The following NOXA1 variants were observed in gnomAD, a reference collection of about 807,000 sequenced individuals.
NOXA1 encodes the protein NCF2-like protein.
Under a neutral mutation model 64.8 loss-of-function variants are expected in NOXA1, and 56 were observed. The ratio of observed to expected loss-of-function variants is 0.86; its 90% CI spans 0.70 to 1.08. The LOEUF (loss-of-function observed/expected upper bound fraction) is 1.08, where lower values mean the gene tolerates loss of function less well. Ranked by LOEUF, NOXA1 falls within the 50% of genes least tolerant of loss-of-function variation. The pLI, the probability that NOXA1 is intolerant of heterozygous loss-of-function variation, is 0.00. For synonymous variants in NOXA1, 295 were observed against 294.8 expected (o/e 1.00, Z -0.01); for missense variants, 668 against 658.5 (o/e 1.01, Z -0.16).
intron 1 of NOXA1, among the ~76,000 whole-genome samples, chr9:137,426,045 G>T (rs568717859): frequency 4.9e-4 from 75 of 152,188 alleles, no homozygotes; most frequent in Admixed American, 4.9e-3. Context: ...ACGGGTTGGG[G>T]TTGGGTGGGC....
At chr9:137,430,524 C>T (rs1417294983) in intron 5 of NOXA1, among the ~76,000 whole-genome samples, 1 of 152,240 alleles carries the variant, frequency 6.6e-6, no homozygotes, top group African/African-American at 2.4e-5. Flanking sequence ...ACTTAGAGTC[C>T]GCATATCACA....
Position 137,431,225 on chromosome 9 carries a change from CCTCTCCCTA to C in NOXA1, c.699-10_699-2del. 2 of 1,609,770 alleles carry C rather than the reference CCTCTCCCTA, an allele frequency of 1.2e-6. No individual in the cohort carries two copies. Among genetic ancestry groups the C allele is most frequent in the South Asian group, 2.2e-5 (2 of 90,922 alleles). ...ATGGGCAGGGCCTGAGAGCCTCCCT[CCTCTCCCTA>C]GGTCCCTAATCATGGACTCCCCAAG... On this transcript the variant is annotated splice_acceptor_variant and splice_polypyrimidine_tract_variant and intron_variant, in intron 7 of 13. Transcript: ENST00000683555. LOFTEE classifies it high-confidence loss of function. This position sits in a 1 kb window ranked among gnomAD's most constrained non-coding sequence, Gnocchi z 5.6.
intron 8 of NOXA1, 95 bp from the exon 9 acceptor site, chr9:137,432,934 A>G: frequency 7.2e-7 from 1 of 1,382,516 alleles, no homozygotes; most frequent in Non-Finnish European, 1.0e-6. Flanking sequence ...CTGGCCGGGC[A>G]CACAGGCCAC....
intron 1 of NOXA1, among the ~76,000 whole-genome samples, chr9:137,424,671 C>G (rs1013044139): frequency 6.6e-6 from 1 of 152,204 alleles, no homozygotes; most frequent in Non-Finnish European, 1.5e-5. Context: ...CTCCTGACCT[C>G]AGGTGATCCA....
At chr9:137,426,511 T>C (rs1200581644) in intron 2 of NOXA1, among the ~76,000 whole-genome samples, 181 bp downstream of exon 2, 5 of 152,038 alleles carry the variant, frequency 3.3e-5, no homozygotes, top group African/African-American at 9.7e-5. Context: ...AGCGCCACCC[T>C]TGGACACAGG....
chr9:137,428,287 A>G, intron 3 of NOXA1, 146 bp downstream of exon 3: 1 of 628,062 alleles, frequency 1.6e-6, no homozygotes, highest in East Asian at 2.8e-5. Flanking sequence ...CTTGACCCGC[A>G]GGAGGTTCTG....
chr9:137,430,695 G>C, intron 5 of NOXA1, 89 bp from the exon 6 acceptor site: 1 of 1,205,156 alleles, frequency 8.3e-7, no homozygotes, highest in Non-Finnish European at 1.1e-6. Context: ...CGGGGACTTA[G>C]AGCTGCGGGG....
chr9:137,428,788 G>A (rs1838957650), intron 3 of NOXA1, 94 bp from the exon 4 acceptor site: 1 of 1,349,174 alleles, frequency 7.4e-7, no homozygotes, highest in African/African-American at 1.5e-5. Context: ...GGAGGGGCTG[G>A]GTGGGCAGAC....
Position 137,423,454 on chromosome 9 carries a change from C to G in NOXA1, c.-76C>G, listed in dbSNP as rs2131862911. ...TGCCCGCCTCGGAGACCCCGCAGCC[C>G]CGCGCCGCCGCCTGGCCCCGGCCCC... On this transcript the variant is annotated 5_prime_UTR_variant, in exon 1 of 14. Transcript: ENST00000683555. 3 of 1,038,014 alleles carry G rather than the reference C, an allele frequency of 2.9e-6. No individual in the cohort carries two copies. Among genetic ancestry groups the G allele is most frequent in the Middle Eastern group, 3.7e-4 (1 of 2,706 alleles). 64.3% of individuals were successfully genotyped at this position (1,038,014 alleles called of 1,614,324 possible).
Position 137,434,026 on chromosome 9 carries a change from G to T in NOXA1, c.1241G>T (p.Gly414Val). 6.4e-7 allele frequency: 1 copy of T among 1,572,704 alleles called. No individual in the cohort carries two copies. Among genetic ancestry groups the T allele is most frequent in the South Asian group, 1.1e-5 (1 of 87,142 alleles). ...GCCCAGCACAGCTACTCCGCCCAGG[G>T]GCCAGAGGACCTGGGCTTCCGACAG... The part of the protein sequence containing the change: ...VVAQHSYSAQ[G>V]PEDLGFRQGD... The change falls in exon 13 of 14, where the codon GGG becomes GTG. Residue 414 changes from glycine (G) to valine (V), a missense_variant. Coordinates refer to ENST00000683555, the MANE Select transcript of NOXA1 (RefSeq NM_001256067.2).
chr9:137,434,226 G>A lies in NOXA1; in HGVS notation c.1297G>A (p.Asp433Asn). ...GDTVDVLCEV[D>N]QAWLEGHCDG... is the part of the protein sequence containing the mutation. ...AGAGCCCGATGTCCCCCTTGCAGTG[G>A]ACCAGGCATGGCTGGAGGGCCACTG... Residue 433 changes from aspartate (D) to asparagine (N), a missense_variant and splice_region_variant, in exon 14 of 14, where the codon GAC (aspartate) becomes AAC (asparagine). By Grantham distance (23) the Asp-to-Asn change is conservative. Coordinates refer to ENST00000683555, the MANE Select transcript of NOXA1 (RefSeq NM_001256067.2). 1 of 1,609,180 alleles carries A rather than the reference G, an allele frequency of 6.2e-7. No individual in the cohort carries two copies. Among genetic ancestry groups the A allele is most frequent in the South Asian group, 1.1e-5 (1 of 90,968 alleles).
In NOXA1 at chr9:137,434,347, G is replaced by A. The variant is rs769172707; in HGVS notation, c.1418G>A (p.Gly473Glu). Residue 473 changes from glycine to glutamate, a missense_variant, in exon 14 of 14, where the codon GGA (glycine) becomes GAA (glutamate). By Grantham distance (98) the Gly-to-Glu change is moderately conservative. Coordinates refer to ENST00000683555, the MANE Select transcript of NOXA1 (RefSeq NM_001256067.2). ...APGRLPRSQQ[G>E]DQP ...GGCCGCCTGCCCCGATCCCAGCAGG[G>A]AGATCAGCCCTAATGATGCTGTGTC... The A allele has an allele frequency of 2.5e-6, 4 of 1,600,462 alleles. No homozygotes were observed. The African/African-American group carries it at 5.4e-5, about 21-fold the overall frequency.
chr9:137,428,977 G>A lies in NOXA1; in HGVS notation c.465G>A (p.Gly155=). 1 of 1,597,864 alleles carries A rather than the reference G, an allele frequency of 6.3e-7. No homozygotes were observed. ...LREAMSKWPE[G]SLNGLDSALD... is the part of the protein sequence containing the mutation. ...AGGCCATGTCCAAGTGGCCGGAGGGGTCCCTGAATGGCCTGGACTCAGCCC... is the reference window on the plus strand; with the variant it reads ...AGGCCATGTCCAAGTGGCCGGAGGGATCCCTGAATGGCCTGGACTCAGCCC... The change falls in exon 4 of 14, where the codon GGG becomes GGA. Residue 155 remains glycine (G), a synonymous_variant. Coordinates refer to ENST00000683555, the MANE Select transcript of NOXA1 (RefSeq NM_001256067.2).
chr9:137,431,038 C>G lies in NOXA1; in HGVS notation c.673-37C>G, dbSNP rs760442166. 4 of 1,613,096 alleles carry G rather than the reference C, an allele frequency of 2.5e-6. 1 individual carries two copies. The highest frequency in any genetic ancestry group is 4.5e-5 in the East Asian group (2 of 44,882). Reference sequence around the variant, plus strand: ...AGGAGGAGGGAGGGCGGCCCCCGACCCTTAACCAGAGCGAGGTTGTTGCTT... The same window carrying G: ...AGGAGGAGGGAGGGCGGCCCCCGACGCTTAACCAGAGCGAGGTTGTTGCTT... On this transcript the variant is annotated intron_variant, in intron 6 of 13. Transcript: ENST00000683555. This position sits in a 1 kb window ranked among gnomAD's most constrained non-coding sequence, Gnocchi z 5.6.
chr9:137,429,423 G>T, intron 5 of NOXA1, 40 bp downstream of exon 5: 1 of 1,406,542 alleles, frequency 7.1e-7, no homozygotes, highest in Non-Finnish European at 9.8e-7. Flanking sequence ...GGCGGCTGGT[G>T]CTGAGCCCTC....
intron 8 of NOXA1, 120 bp from the exon 9 acceptor site, chr9:137,432,909 A>T: frequency 9.1e-7 from 1 of 1,097,166 alleles, no homozygotes. Context: ...ACACCCACAG[A>T]CCACCTGCTG....
intron 2 of NOXA1, among the ~76,000 whole-genome samples, chr9:137,426,687 A>C (rs1838859539): frequency 6.6e-6 from 1 of 152,214 alleles, no homozygotes; most frequent in African/African-American, 2.4e-5. Context: ...GGGGAAGTGG[A>C]TCACAGTCCC....
intron 13 of NOXA1, 60 bp downstream of exon 13, chr9:137,434,139 G>A: frequency 1.9e-6 from 3 of 1,581,824 alleles, no homozygotes; most frequent in Admixed American, 3.5e-5. Context: ...GGGGGGCTTA[G>A]AGCTCGGCCT....
At chr9:137,423,768 C>T in intron 1 of NOXA1, 62 bp downstream of exon 1, 1 of 1,162,850 alleles carries the variant, frequency 8.6e-7, no homozygotes, top group Non-Finnish European at 1.1e-6. Context: ...CTGGGGAGGG[C>T]CCAGCGCCCC....
Sources: gnomAD v4.1 joint callset for allele counts (sites outside exome capture counted in the v4.1 genomes callset) on GRCh38, gnomAD v4.1.1 for gene constraint, Gnocchi (gnomAD v3.1) non-coding constraint, MANE v1.5 for transcripts, NCBI Gene and HGNC (gene_info 2026-07-23, HGNC 2026-07-21) for gene names.